Variants in SSB observed in about 807,000 individuals in gnomAD.
SSB encodes lupus La protein.
SSB carries 17 observed loss-of-function variants against 52.9 expected under a neutral mutation model. The ratio of observed to expected loss-of-function variants is 0.32; its 90% confidence interval spans 0.22 to 0.48. SSB has a LOEUF of 0.48. Among genes scored for constraint, SSB ranks in the 20% least tolerant of loss-of-function variants. The probability of loss-of-function intolerance (pLI) is 0.99; values close to 1 mark genes in which losing one functional copy is unlikely to be tolerated. For synonymous variants in SSB, 111 were observed against 152.1 expected (o/e 0.73, Z 1.99); for missense variants, 314 against 463.6 (o/e 0.68, Z 2.96).
At chr2:169,806,634 A>C (rs530689690) in intron 4 of SSB, 151 bp from the exon 5 acceptor site, 3 of 608,086 alleles carry the variant, frequency 4.9e-6, no homozygotes, top group Admixed American at 6.6e-5. Flanking sequence ...AGTGGCTCCT[A>C]AACAAGGCTG....
intron 6 of SSB, 120 bp from the exon 7 acceptor site, chr2:169,808,362 T>A: frequency 1.5e-6 from 1 of 679,010 alleles, no homozygotes; most frequent in Non-Finnish European, 2.4e-6. Context: ...TAGTTGATGA[T>A]TATGTTGATA....
At chr2:169,802,728 G>T (rs899643699) in intron 2 of SSB, among the ~76,000 whole-genome samples, 1 of 152,062 alleles carries the variant, frequency 6.6e-6, no homozygotes, top group South Asian at 2.1e-4. Flanking sequence ...TGAGCAGAAG[G>T]TACAGAGATT....
At position 169,810,758 on chromosome 2, in the gene SSB, A is replaced by G. The variant is rs1302415259; in HGVS notation, c.811-100A>G. On this transcript the variant is annotated intron_variant, in intron 9 of 11. Transcript: ENST00000260956. ...AAAATTCATTCAAACTGGTAAAGAC[A>G]TGGAAGGTTTGCAGGGTAGAAAAAA... 4 of 1,165,698 alleles carry G rather than the reference A, an allele frequency of 3.4e-6. No homozygotes were observed. The African/African-American group carries it at 6.2e-5, about 18-fold the overall frequency. The allele number at this position is 1,165,698 out of a possible 1,614,324, so 72.2% of individuals were successfully genotyped here. A position where few individuals can be genotyped will look rare whatever the true frequency, so the allele number is the denominator to read the frequency against.
At chr2:169,809,193 C>T (rs1247541905) in intron 8 of SSB, among the ~76,000 whole-genome samples, 2 of 152,126 alleles carry the variant, frequency 1.3e-5, no homozygotes, top group Non-Finnish European at 2.9e-5. Context: ...CCAGCCTGGC[C>T]AATATGGTGA....
At position 169,811,923 on chromosome 2, in the gene SSB, TTGAA is replaced by T; in HGVS notation, c.*170_*173del. On this transcript the variant is annotated 3_prime_UTR_variant, in exon 12 of 12. Coordinates refer to ENST00000260956, the MANE Select transcript of SSB (RefSeq NM_003142.5). ...TTTTTGTTATGCAAATGAGATTTCT[TTGAA>T]TGTATTGTTCTGTTTGTGTTATTTC... 6.6e-7 allele frequency: 1 copy of T among 1,523,792 alleles called. No homozygotes were observed. The highest frequency in any genetic ancestry group is 1.2e-5 in the South Asian group (1 of 86,202). The allele number at this position is 1,523,792 out of a possible 1,614,324, so 94.4% of individuals were successfully genotyped here.
Position 169,811,649 on chromosome 2 carries a change from A to G in SSB, c.1139-19A>G. ...AGTACTTACGTTGAATTTAACAAAA[A>G]TTAATTGTTACGTTATAGGACCTGT... is the stretch of plus-strand genomic sequence containing the variant. On this transcript the variant is annotated intron_variant, in intron 11 of 11. Coordinates refer to ENST00000260956, the MANE Select transcript of SSB (RefSeq NM_003142.5). The G allele has an allele frequency of 6.2e-7, 1 of 1,600,876 alleles. No individual in the cohort carries two copies. Among genetic ancestry groups the G allele is most frequent in the Non-Finnish European group, 8.5e-7 (1 of 1,176,620 alleles).
At chr2:169,811,619 A>T in intron 11 of SSB, 49 bp from the exon 12 acceptor site, 1 of 1,583,862 alleles carries the variant, frequency 6.3e-7, no homozygotes, top group Non-Finnish European at 8.6e-7. Flanking sequence ...GTATTAAACT[A>T]GAGCAGTACT....
intron 2 of SSB, among the ~76,000 whole-genome samples, chr2:169,802,061 T>G (rs930688017): frequency 6.6e-6 from 1 of 152,022 alleles, no homozygotes; most frequent in African/African-American, 2.4e-5. Context: ...GCAGTTTACC[T>G]GTAGTCCTAG....
At position 169,812,002 on chromosome 2, in the gene SSB, A is replaced by G. The variant is rs907115659; in HGVS notation, c.*246A>G. ...GATTCTTCCATTAAATTGCCTTTGT[A>G]ATATGAGAATGTATTAGTACAAACT... On this transcript the variant is annotated 3_prime_UTR_variant, in exon 12 of 12. Coordinates refer to ENST00000260956, the MANE Select transcript of SSB (RefSeq NM_003142.5). The G allele has an allele frequency of 1.0e-5, 9 of 898,054 alleles. No homozygotes were observed. The African/African-American group carries it at 1.5e-4, about 15-fold the overall frequency. 55.6% of individuals were successfully genotyped at this position (898,054 alleles called of 1,614,324 possible).
intron 11 of SSB, 138 bp downstream of exon 11, chr2:169,811,461 T>C: frequency 1.5e-6 from 2 of 1,290,474 alleles, no homozygotes; most frequent in Non-Finnish European, 2.1e-6. Flanking sequence ...ACGATTTACC[T>C]CGGTTATGCT....
At chr2:169,803,084 A>G (rs1040991136) in intron 2 of SSB, among the ~76,000 whole-genome samples, 1 of 152,238 alleles carries the variant, frequency 6.6e-6, no homozygotes, top group Admixed American at 6.5e-5. Context: ...GTCAGTTTAC[A>G]TCTACCTGAA....
intron 2 of SSB, among the ~76,000 whole-genome samples, chr2:169,803,856 A>T (rs1403292702): frequency 6.6e-6 from 1 of 151,824 alleles, no homozygotes; most frequent in African/African-American, 2.4e-5. Flanking sequence ...CTTGTGCCTC[A>T]GCCATCCGAG....
In SSB at chr2:169,811,812, C is replaced by A. The variant is rs199640881; in HGVS notation, c.*56C>A. 1.9e-6 allele frequency: 3 copies of A among 1,613,506 alleles called. No individual in the cohort carries two copies. The highest frequency in any genetic ancestry group is 2.5e-6 in the Non-Finnish European group (3 of 1,179,738). ...ATAGGTTTTAAACGACTTTTGTTTG[C>A]GGGGCTTTTAAAAGGAAAACCGAAT... On this transcript the variant is annotated 3_prime_UTR_variant, in exon 12 of 12. Coordinates refer to ENST00000260956, the MANE Select transcript of SSB (RefSeq NM_003142.5).
chr2:169,809,066 AAGGAT>A (rs1361718263), intron 8 of SSB, 164 bp downstream of exon 8: 2 of 673,766 alleles, frequency 3.0e-6, no homozygotes, highest in African/African-American at 3.6e-5. Flanking sequence ...AGAGAAAACT[AAGGAT>A]AGGAAATATG....
chr2:169,811,064 C>CT lies in SSB; in HGVS notation c.997+23dup, dbSNP rs751694258. 5.6e-5 allele frequency: 90 copies of CT among 1,603,010 alleles called. No homozygotes were observed. In the African/African-American group the frequency reaches 1.0e-3, roughly 18 times the overall value. The stretch of plus-strand genomic sequence containing the variant: ...CAAAAGGTCATTTATTCTGATTTTT[C>CT]TTTAACAGTTTGGTTGTTGAACCCA... On this transcript the variant is annotated intron_variant, in intron 10 of 11. Coordinates refer to ENST00000260956, the MANE Select transcript of SSB (RefSeq NM_003142.5).
chr2:169,803,318 G>T (rs1238492889), intron 2 of SSB, among the ~76,000 whole-genome samples: 2 of 151,974 alleles, frequency 1.3e-5, no homozygotes, highest in African/African-American at 4.8e-5. Flanking sequence ...AGTGCAGAGT[G>T]CAGTGGCGTG....
At chr2:169,810,599 T>G (rs776006591) in intron 9 of SSB, 176 bp downstream of exon 9, 129 of 695,216 alleles carry the variant, frequency 1.9e-4, no homozygotes, top group Non-Finnish European at 2.9e-4. Flanking sequence ...TAAATTAGTT[T>G]CTACTTGATC....
intron 2 of SSB, among the ~76,000 whole-genome samples, chr2:169,803,755 C>CA (rs373539785): frequency 1.6e-4 from 24 of 150,760 alleles, no homozygotes; most frequent in African/African-American, 5.4e-4. Context: ...TTTTTTAAGA[C>CA]AGAGAGACAG....
rs1197455395 is a variant in SSB, at chr2:169,810,994, A to G, written c.947A>G (p.Lys316Arg). 1 of 1,612,568 alleles carries G rather than the reference A, an allele frequency of 6.2e-7. No individual in the cohort carries two copies. Among genetic ancestry groups the G allele is most frequent in the Non-Finnish European group, 8.5e-7 (1 of 1,179,676 alleles). The change falls in exon 10 of 12, where the codon AAG becomes AGG. Residue 316 changes from lysine (K) to arginine (R), a missense_variant. Lys to Arg is a conservative substitution (Grantham distance 26, BLOSUM62 2). Coordinates refer to ENST00000260956, the MANE Select transcript of SSB (RefSeq NM_003142.5). The stretch of plus-strand genomic sequence containing the variant: ...GGAGAGGTGGAAAAAGAAGCACTGA[A>G]GAAAATAATAGAAGACCAACAAGAA... ...LEGEVEKEALKKIIEDQQESL... is the reference protein window; with the variant it reads ...LEGEVEKEALRKIIEDQQESL...
Sources: allele counts gnomAD v4.1 joint callset (sites outside exome capture counted in the v4.1 genomes callset), GRCh38; gene constraint gnomAD v4.1.1; transcripts MANE v1.5; gene names NCBI Gene and HGNC (gene_info 2026-07-23, HGNC 2026-07-21).